The following FMN1 variants were observed in gnomAD, a reference collection of about 807,000 sequenced individuals.
The protein encoded by FMN1 is formin-1.
Under a neutral mutation model 132.4 loss-of-function variants are expected in FMN1, and 110 were observed. The observed-to-expected ratio is 0.83, with a 90% CI of 0.71 to 0.97. FMN1 has a LOEUF of 0.97. FMN1 is among the 50% of genes least tolerant of loss of function. The probability of loss-of-function intolerance (pLI) is 0.00; values close to 1 mark genes in which losing one functional copy is unlikely to be tolerated. For synonymous variants in FMN1, 722 were observed against 651.7 expected (o/e 1.11, Z -1.64); for missense variants, 1,792 against 1,705.3 (o/e 1.05, Z -0.90).
At chr15:32,806,697 C>T (rs565924777) in intron 17 of FMN1, among the ~76,000 whole-genome samples, 168 of 152,348 alleles carry the variant, frequency 1.1e-3, no homozygotes, top group African/African-American at 3.7e-3. Flanking sequence ...CTGGCTTGAG[C>T]GCACTGAGCG....
chr15:32,870,400 G>A (rs1285456893), intron 16 of FMN1, among the ~76,000 whole-genome samples: 1 of 152,212 alleles, frequency 6.6e-6, no homozygotes, highest in Admixed American at 6.5e-5. Flanking sequence ...TCACTCCACT[G>A]AGGGAGGCTG....
At chr15:32,917,516 T>C (rs953139361) in intron 10 of FMN1, among the ~76,000 whole-genome samples, 1 of 152,214 alleles carries the variant, frequency 6.6e-6, no homozygotes, top group African/African-American at 2.4e-5. Context: ...TAGAATTTAT[T>C]GGCAGCTTCC....
Position 32,876,772 on chromosome 15 carries a change from T to G in FMN1, c.3835+11400A>C, listed in dbSNP as rs183429556. ...GTAGGGAAATTACAGATGCTGTCAT[T>G]ATGGAGTATGTAGGGAAGACCTATA... On this transcript the variant is annotated intron_variant, in intron 16 of 20. Coordinates refer to ENST00000616417, the MANE Select transcript of FMN1 (RefSeq NM_001277313.2). 2.1e-3 allele frequency among the ~76,000 whole-genome samples: 323 copies of G among 152,320 alleles called. 2 individuals carry two copies. The highest frequency in any genetic ancestry group is 7.6e-3 in the African/African-American group (314 of 41,568).
intron 9 of FMN1, among the ~76,000 whole-genome samples, chr15:32,950,046 TATATACAC>T (rs1258453428): frequency 2.8e-4 from 2 of 7,144 alleles, no homozygotes; most frequent in East Asian, 6.4e-3. Flanking sequence ...CATATATATA[TATATACAC>T]ATATATATAT....
At chr15:32,891,253 A>G (rs1291312158) in intron 15 of FMN1, among the ~76,000 whole-genome samples, 7 of 151,944 alleles carry the variant, frequency 4.6e-5, no homozygotes, top group African/African-American at 1.7e-4. Flanking sequence ...TGAGTTTTAG[A>G]GTTCTTTTTC....
At chr15:33,111,049 T>C (rs988175865) in intron 4 of FMN1, among the ~76,000 whole-genome samples, 1 of 152,154 alleles carries the variant, frequency 6.6e-6, no homozygotes, top group Admixed American at 6.6e-5. Flanking sequence ...TACATTTTTA[T>C]GGTATGCTAT....
intron 7 of FMN1, among the ~76,000 whole-genome samples, chr15:32,988,885 T>C (rs2033254936): frequency 6.6e-6 from 1 of 152,184 alleles, no homozygotes; most frequent in African/African-American, 2.4e-5. Flanking sequence ...TTCAAGTAAG[T>C]CTATGTTGCT....
At chr15:32,890,997 C>T (rs1180850741) in intron 15 of FMN1, among the ~76,000 whole-genome samples, 1 of 152,158 alleles carries the variant, frequency 6.6e-6, no homozygotes, top group African/African-American at 2.4e-5. Flanking sequence ...AAAAGGGTGT[C>T]CTTTTCCCAC....
Position 32,790,005 on chromosome 15 carries a change from C to T in FMN1, c.4130+8799G>A, listed in dbSNP as rs533744756. On this transcript the variant is annotated intron_variant, in intron 19 of 20. Transcript: ENST00000616417. ...TTCGCACAATGATGAAATCACCTAA[C>T]AATGCGTTTCTCACAATGTATCCCG... 2.7e-5 allele frequency among the ~76,000 whole-genome samples: 4 copies of T among 148,936 alleles called. No individual in the cohort carries two copies. In the South Asian group the frequency reaches 8.8e-4, roughly 33 times the overall value.
chr15:33,008,321 A>G (rs773460816), intron 6 of FMN1, among the ~76,000 whole-genome samples: 5 of 151,368 alleles, frequency 3.3e-5, no homozygotes, highest in Non-Finnish European at 7.4e-5. Flanking sequence ...GGGTTAAAAG[A>G]AAAAAAAAGG....
intron 19 of FMN1, among the ~76,000 whole-genome samples, chr15:32,788,523 A>C (rs1288202981): frequency 6.6e-6 from 1 of 152,178 alleles, no homozygotes; most frequent in Non-Finnish European, 1.5e-5. Context: ...GACTGGAACA[A>C]AAGGGTGAGG....
intron 17 of FMN1, among the ~76,000 whole-genome samples, chr15:32,846,286 G>T (rs533222241): frequency 6.6e-6 from 1 of 152,280 alleles, no homozygotes; most frequent in Admixed American, 6.5e-5. Flanking sequence ...GCATCAGAGT[G>T]AACAGGCAAC....
intron 7 of FMN1, among the ~76,000 whole-genome samples, chr15:32,989,142 G>GGGA: frequency 1.8e-5 from 1 of 56,972 alleles, no homozygotes; most frequent in East Asian, 3.2e-3. Context: ...TCCACTATAG[G>GGGA]GGAAGAAAGG....
In FMN1 at chr15:33,153,307, C is replaced by G; in HGVS notation, c.1608G>C (p.Arg536Ser). Residue 536 changes from arginine to serine, a missense_variant, in exon 4 of 21, where the codon AGG becomes AGC. Arg to Ser is a moderately radical substitution (Grantham distance 110). This residue lies in a region of FMN1 where 1,150 missense variants were observed against 1,043.1 expected (regional missense o/e 1.10). Transcript: ENST00000616417. The part of the protein sequence containing the change: ...PRLPSPQQHH[R>S]ILRLPALPGE... The stretch of plus-strand genomic sequence containing the variant: ...CAGGCAATGCAGGGAGCCGGAGGAT[C>G]CTGTGATGCTGCTGAGGGCTGGGGA... The G allele has an allele frequency of 2.6e-6, 4 of 1,536,302 alleles. 1 individual carries two copies. The South Asian group carries it at 4.8e-5, about 18-fold the overall frequency.
At position 33,082,092 on chromosome 15, in the gene FMN1, A is replaced by AGTGTGTGTGT. The variant is rs1566899546; in HGVS notation, c.2043+6706_2043+6707insACACACACAC. Among the ~76,000 whole-genome samples, 27 of 87,982 alleles carry AGTGTGTGTGT rather than the reference A, an allele frequency of 3.1e-4. 2 individuals are homozygous for AGTGTGTGTGT. The South Asian group carries it at 6.8e-3, about 22-fold the overall frequency. The allele number at this position is 87,982 out of a possible 152,430, so 57.7% of individuals were successfully genotyped here. On this transcript the variant is annotated intron_variant, in intron 5 of 20. Coordinates refer to ENST00000616417, the MANE Select transcript of FMN1 (RefSeq NM_001277313.2). ...CGCTTTGTCACCCAGGCTGGAAAAC[A>AGTGTGTGTGT]ATGTGTGTGTGTGTGTGTGTGTGTG...
chr15:33,170,569 A>AC (rs796310810), intron 3 of FMN1, among the ~76,000 whole-genome samples: 1,991 of 149,336 alleles, frequency 0.013, 19 homozygotes, highest in Middle Eastern at 0.021. Flanking sequence ...AAAAAAAAAA[A>AC]CCCGTTGAAA....
chr15:33,067,703 T>G (rs763728563), intron 5 of FMN1: 1 of 1,613,988 alleles, frequency 6.2e-7, no homozygotes, highest in East Asian at 2.2e-5. Context: ...GTCTAAACTA[T>G]GGAATGCTTT....
intron 4 of FMN1, among the ~76,000 whole-genome samples, chr15:33,114,311 A>G (rs575605315): frequency 1.3e-5 from 2 of 152,346 alleles, no homozygotes; most frequent in Admixed American, 1.3e-4. Flanking sequence ...ATAGCATCCT[A>G]AAAGCCTAAC....
At chr15:32,910,709 A>T (rs1422899980) in intron 10 of FMN1, among the ~76,000 whole-genome samples, 174 bp from the exon 11 acceptor site, 1 of 152,202 alleles carries the variant, frequency 6.6e-6, no homozygotes, top group East Asian at 1.9e-4. Context: ...AAAGAAACCA[A>T]AATGGTTCCT....
Sources: allele counts gnomAD v4.1 joint callset (sites outside exome capture counted in the v4.1 genomes callset), GRCh38; gene constraint gnomAD v4.1.1; regional missense constraint gnomAD v4.1.1; transcripts MANE v1.5; gene names NCBI Gene and HGNC (gene_info 2026-07-23, HGNC 2026-07-21).